The following TAFA1 variants were observed in gnomAD, a reference collection of about 807,000 sequenced individuals.
TAFA1 encodes chemokine-like protein TAFA-1.
TAFA1 carries 4 observed loss-of-function variants against 18.5 expected under a neutral mutation model. The observed-to-expected ratio is 0.22, with a 90% CI of 0.11 to 0.49. TAFA1 has a LOEUF of 0.49. TAFA1 is among the 20% of genes least tolerant of loss of function. The pLI, the probability that TAFA1 is intolerant of heterozygous loss-of-function variation, is 0.98. For missense variants in TAFA1, 147 were observed against 169.0 expected, an observed-to-expected ratio of 0.87 and a Z score of 0.72; for synonymous variants, 56 against 55.2, an observed-to-expected ratio of 1.01 and a Z score of -0.06.
intron 2 of TAFA1, among the ~76,000 whole-genome samples, chr3:68,034,410 C>T (rs1705002710): frequency 2.0e-5 from 3 of 152,156 alleles, no homozygotes; most frequent in African/African-American, 7.2e-5. Context: ...CTTCATTTTA[C>T]TTAAGAGGAA....
At chr3:68,492,022 G>A (rs918305126) in intron 3 of TAFA1, among the ~76,000 whole-genome samples, 3 of 152,192 alleles carry the variant, frequency 2.0e-5, no homozygotes, top group African/African-American at 7.2e-5. Flanking sequence ...CTCGATTTAT[G>A]TGTACTTATT....
At position 68,178,116 on chromosome 3, in the gene TAFA1, C is replaced by T. The variant is rs557374066; in HGVS notation, c.118+171372C>T. ...CCAAGATGGCACCACTGCACTCCAG[C>T]CTGGGTGAGAGTGCGAGACTCCATC... On this transcript the variant is annotated intron_variant, in intron 2 of 4. Transcript: ENST00000478136. 3.4e-4 allele frequency among the ~76,000 whole-genome samples: 52 copies of T among 152,028 alleles called. 1 individual carries two copies. The highest frequency in any genetic ancestry group is 2.3e-3 in the South Asian group (11 of 4,798).
At chr3:68,242,834 A>G (rs1283877958) in intron 2 of TAFA1, among the ~76,000 whole-genome samples, 1 of 152,032 alleles carries the variant, frequency 6.6e-6, no homozygotes, top group Non-Finnish European at 1.5e-5. Context: ...GTGTGTGTGC[A>G]TTGGAAAAAG....
chr3:68,427,174 C>T (rs1449583721), intron 3 of TAFA1, among the ~76,000 whole-genome samples: 4 of 151,882 alleles, frequency 2.6e-5, no homozygotes, highest in Non-Finnish European at 4.4e-5. Flanking sequence ...AAGTAGCCCC[C>T]AAGTCATTGG....
At chr3:68,524,040 C>A (rs2073067853) in intron 3 of TAFA1, among the ~76,000 whole-genome samples, 1 of 152,114 alleles carries the variant, frequency 6.6e-6, no homozygotes, top group South Asian at 2.1e-4. Context: ...AACAAATCTC[C>A]ACACACTGAA....
intron 2 of TAFA1, among the ~76,000 whole-genome samples, chr3:68,327,385 T>G (rs777198910): frequency 6.6e-6 from 1 of 152,178 alleles, no homozygotes; most frequent in Admixed American, 6.5e-5. Context: ...AAAATGTATT[T>G]GTAAGAAATA....
At chr3:68,524,343 A>G (rs1224926373) in intron 3 of TAFA1, among the ~76,000 whole-genome samples, 1 of 152,136 alleles carries the variant, frequency 6.6e-6, no homozygotes, top group African/African-American at 2.4e-5. Flanking sequence ...GGATGAAAAA[A>G]TCATATAACC....
Position 68,062,832 on chromosome 3 carries a change from A to G in TAFA1, c.118+56088A>G, listed in dbSNP as rs535135113. Among the ~76,000 whole-genome samples the G allele has an allele frequency of 2.0e-3, 299 of 152,344 alleles. 1 individual carries two copies. The highest frequency in any genetic ancestry group is 6.8e-3 in the Middle Eastern group (2 of 294). On this transcript the variant is annotated intron_variant, in intron 2 of 4. Transcript: ENST00000478136. ...GTTGAATGAAGGGAAGAAATGCTCCATGGTGGGGAAAGTTACCAATTCCTT... is the reference window on the plus strand; with the variant it reads ...GTTGAATGAAGGGAAGAAATGCTCCGTGGTGGGGAAAGTTACCAATTCCTT...
chr3:68,479,241 AATATAT>A (rs397989986), intron 3 of TAFA1, among the ~76,000 whole-genome samples: 5 of 123,676 alleles, frequency 4.0e-5, no homozygotes, highest in Non-Finnish European at 8.0e-5. Context: ...AAAAAAAAAA[AATATAT>A]ATATATATAT....
intron 2 of TAFA1, among the ~76,000 whole-genome samples, chr3:68,056,682 G>C (rs2064540669): frequency 6.6e-6 from 1 of 152,194 alleles, no homozygotes; most frequent in African/African-American, 2.4e-5. Context: ...AGAGAAGCAA[G>C]GGTGTGGGAG....
intron 2 of TAFA1, among the ~76,000 whole-genome samples, chr3:68,043,108 G>A (rs148452255): frequency 2.0e-5 from 3 of 152,146 alleles, no homozygotes; most frequent in Middle Eastern, 3.4e-3. Context: ...TGGTCCTCAC[G>A]TGATCTGCCT....
At chr3:68,123,583 T>C (rs1229916416) in intron 2 of TAFA1, among the ~76,000 whole-genome samples, 1 of 152,146 alleles carries the variant, frequency 6.6e-6, no homozygotes, top group Non-Finnish European at 1.5e-5. Flanking sequence ...GGTCTGCCCT[T>C]GATAGTTTTC....
chr3:68,275,187 G>A (rs1017375930), intron 2 of TAFA1, among the ~76,000 whole-genome samples: 1 of 152,042 alleles, frequency 6.6e-6, no homozygotes, highest in Non-Finnish European at 1.5e-5. Flanking sequence ...GAAAGCAAGA[G>A]TCCTTCCTTT....
chr3:68,208,666 T>G (rs2066556335), intron 2 of TAFA1, among the ~76,000 whole-genome samples: 1 of 151,908 alleles, frequency 6.6e-6, no homozygotes, highest in Non-Finnish European at 1.5e-5. Context: ...AACCTCTATC[T>G]TTTCAGGGCC....
intron 2 of TAFA1, among the ~76,000 whole-genome samples, chr3:68,303,194 T>C (rs1468369610): frequency 1.3e-5 from 2 of 152,200 alleles, no homozygotes; most frequent in African/African-American, 4.8e-5. Flanking sequence ...TTTCCAGATT[T>C]CCATGTTACC....
intron 3 of TAFA1, among the ~76,000 whole-genome samples, chr3:68,439,438 T>TATATATATATATAC (rs2071331984): frequency 7.4e-6 from 1 of 134,488 alleles, no homozygotes; most frequent in Non-Finnish European, 1.6e-5. Flanking sequence ...TATATATATA[T>TATATATATATATAC]ATATATGAGT....
At chr3:68,385,506 C>T (rs2106689526) in intron 2 of TAFA1, among the ~76,000 whole-genome samples, 1 of 152,160 alleles carries the variant, frequency 6.6e-6, no homozygotes, top group South Asian at 2.1e-4. Context: ...GTCTCTGGGC[C>T]TGTTTTATCT....
At chr3:68,487,574 T>C (rs868279066) in intron 3 of TAFA1, among the ~76,000 whole-genome samples, 4 of 151,794 alleles carry the variant, frequency 2.6e-5, no homozygotes, top group East Asian at 3.9e-4. Context: ...GGTGAAACCC[T>C]GTCTCTACTA....
At chr3:68,491,489 A>G (rs62248569) in intron 3 of TAFA1, among the ~76,000 whole-genome samples, 28,152 of 139,180 alleles carry the variant, frequency 0.2, 2,798 homozygotes, top group Middle Eastern at 0.23. Flanking sequence ...GAATTGAACA[A>G]TGAGAACACA....
Sources: gnomAD v4.1 joint callset for allele counts (sites outside exome capture counted in the v4.1 genomes callset) on GRCh38, gnomAD v4.1.1 for gene constraint, MANE v1.5 for transcripts, NCBI Gene and HGNC (gene_info 2026-07-23, HGNC 2026-07-21) for gene names.